POLQ: variants seen among roughly 807,000 people sequenced by gnomAD.
POLQ encodes DNA polymerase theta, also known as epididymis secretory sperm binding protein.
A neutral mutation model predicts 259.2 loss-of-function variants in POLQ; 233 were observed. That is an observed-to-expected ratio of 0.90 (90% CI 0.81 to 1.00). The LOEUF (loss-of-function observed/expected upper bound fraction) is 1.00, where lower values mean the gene tolerates loss of function less well. Ranked by LOEUF, POLQ falls within the 50% of genes least tolerant of loss-of-function variation. The probability of loss-of-function intolerance (pLI) is 0.00; values close to 1 mark genes in which losing one functional copy is unlikely to be tolerated. For synonymous variants in POLQ, 1,025 were observed against 1,048.8 expected (o/e 0.98, Z 0.44); for missense variants, 2,871 against 3,051.6 (o/e 0.94, Z 1.39).
chr3:121,466,379 A>ACAAG (rs1463321924), intron 24 of POLQ, among the ~76,000 whole-genome samples: 33 of 145,796 alleles, frequency 2.3e-4, no homozygotes, highest in Non-Finnish European at 3.6e-4. Flanking sequence ...AAAAAAAAAA[A>ACAAG]AAAGAAAGAA....
At chr3:121,465,094 T>C (rs971924182) in intron 24 of POLQ, among the ~76,000 whole-genome samples, 1 of 148,710 alleles carries the variant, frequency 6.7e-6, no homozygotes, top group Non-Finnish European at 1.5e-5. Flanking sequence ...TTTTTTCTTT[T>C]TTTTTTTTTT....
chr3:121,489,761 A>C lies in POLQ; in HGVS notation c.3170T>G (p.Leu1057Arg). The change falls in exon 16 of 30, where the codon CTG (leucine) becomes CGG (arginine). Residue 1057 changes from leucine (L) to arginine (R), a missense_variant. Physicochemically the swap from Leu to Arg is moderately radical, Grantham distance 102. Coordinates refer to ENST00000264233, the MANE Select transcript of POLQ (RefSeq NM_199420.4). ...GATTCTACACGCTCCAGAGTCTTTC[A>C]GGGGGCTGCTGTCCCTAGATCGCTT... is the stretch of plus-strand genomic sequence containing the variant. ...HLKRSRDSSP[L>R]KDSGACRIHL... 1 of 1,612,106 alleles carries C rather than the reference A, an allele frequency of 6.2e-7. No individual in the cohort carries two copies. Among genetic ancestry groups the C allele is most frequent in the Non-Finnish European group, 8.5e-7 (1 of 1,179,702 alleles).
Position 121,460,103 on chromosome 3 carries a change from T to A in POLQ, c.7099A>T (p.Lys2367Ter), listed in dbSNP as rs1413172230. Reference protein sequence around the residue: ...DVFRSIAAEWKMIEPESVGDD... With the variant: ...DVFRSIAAEW ...CCAACAGACTCTGGCTCAATCATCT[T>A]CCACTCTGCTGCAATGCTCCTGAAA... Residue 2367 changes from lysine to a stop codon, truncating the protein, a stop_gained, in exon 25 of 30, where the codon AAG becomes TAG. Transcript: ENST00000264233. LOFTEE classifies it high-confidence loss of function. The A allele has an allele frequency of 5.0e-6, 8 of 1,614,014 alleles. No individual in the cohort carries two copies. Among genetic ancestry groups the A allele is most frequent in the Non-Finnish European group, 6.8e-6 (8 of 1,179,988 alleles).
At chr3:121,543,756 C>T (rs533658682) in intron 2 of POLQ, among the ~76,000 whole-genome samples, 13 of 151,650 alleles carry the variant, frequency 8.6e-5, no homozygotes, top group Admixed American at 3.9e-4. Context: ...GGCTGAGGTG[C>T]GTGGATCACC....
chr3:121,545,534 A>G (rs1006419380), intron 1 of POLQ, among the ~76,000 whole-genome samples, 181 bp downstream of exon 1: 2 of 152,212 alleles, frequency 1.3e-5, no homozygotes, highest in South Asian at 4.1e-4. Flanking sequence ...GCGATCACTG[A>G]AAACACGCGT....
In POLQ at chr3:121,477,552, G is replaced by T. The variant is rs149721989; in HGVS notation, c.6212-819C>A. Among the ~76,000 whole-genome samples the T allele has an allele frequency of 4.8e-3, 731 of 152,232 alleles. 8 individuals carry two copies. Among genetic ancestry groups the T allele is most frequent in the African/African-American group, 0.017 (687 of 41,534 alleles). On this transcript the variant is annotated intron_variant, in intron 19 of 29. Coordinates refer to ENST00000264233, the MANE Select transcript of POLQ (RefSeq NM_199420.4). ...ACTTATATATTAAAGGCCCTGAGAG[G>T]ACCTGAAGCAAAGACAACTATTTAA...
chr3:121,464,128 T>C (rs2047816090), intron 24 of POLQ, among the ~76,000 whole-genome samples: 1 of 152,234 alleles, frequency 6.6e-6, no homozygotes, highest in Non-Finnish European at 1.5e-5. Context: ...TTTTGACTGA[T>C]ATCACACAGC....
chr3:121,434,121 T>A (rs1342583077), intron 28 of POLQ, among the ~76,000 whole-genome samples: 1 of 152,250 alleles, frequency 6.6e-6, no homozygotes, highest in Non-Finnish European at 1.5e-5. Context: ...TGCTTTCTGA[T>A]GACCATGCCT....
At chr3:121,459,297 T>C (rs959673889) in intron 25 of POLQ, among the ~76,000 whole-genome samples, 2 of 151,622 alleles carry the variant, frequency 1.3e-5, no homozygotes, top group African/African-American at 2.4e-5. Context: ...CAAAGCACTA[T>C]GGCTTGATGC....
chr3:121,466,727 C>T (rs1411058219), intron 24 of POLQ, among the ~76,000 whole-genome samples: 1 of 151,516 alleles, frequency 6.6e-6, no homozygotes, highest in African/African-American at 2.4e-5. Context: ...ACCACATAGA[C>T]TTTCTGGGGA....
chr3:121,457,245 A>G (rs976626625), intron 25 of POLQ, among the ~76,000 whole-genome samples: 3 of 152,264 alleles, frequency 2.0e-5, no homozygotes, highest in African/African-American at 7.2e-5. Context: ...AAGATGGATT[A>G]AAGACTTACT....
In POLQ at chr3:121,510,178, C is replaced by CA. The variant is rs2048242896; in HGVS notation, c.1676dup (p.Leu559PhefsTer25). 6.2e-7 allele frequency: 1 copy of CA among 1,613,750 alleles called. No homozygotes were observed. Among genetic ancestry groups the CA allele is most frequent in the Admixed American group, 1.7e-5 (1 of 59,998 alleles). On this transcript the variant is annotated frameshift_variant, in exon 11 of 30. Coordinates refer to ENST00000264233, the MANE Select transcript of POLQ (RefSeq NM_199420.4). LOFTEE classifies it high-confidence loss of function. ...GCTTCCCTTCTTTCATACTTGCAGCCAAAAATGTGCAGGCAGCATAAGTAT... is the reference window on the plus strand; with the variant it reads ...GCTTCCCTTCTTTCATACTTGCAGCCAAAAAATGTGCAGGCAGCATAAGTAT...
At chr3:121,536,962 CA>C (rs1172021913) in intron 5 of POLQ, 137 bp downstream of exon 5, 27 of 598,946 alleles carry the variant, frequency 4.5e-5, no homozygotes, top group Non-Finnish European at 7.5e-5. Context: ...GGAACAAAAA[CA>C]AACTACTATA....
intron 24 of POLQ, among the ~76,000 whole-genome samples, chr3:121,463,976 T>C (rs1224507168): frequency 6.6e-6 from 1 of 152,232 alleles, no homozygotes; most frequent in Non-Finnish European, 1.5e-5. Flanking sequence ...AACAATCTTG[T>C]ATACTCTGTC....
intron 25 of POLQ, among the ~76,000 whole-genome samples, chr3:121,454,090 GA>G (rs1366016771): frequency 6.6e-6 from 1 of 152,162 alleles, no homozygotes; most frequent in Non-Finnish European, 1.5e-5. Context: ...CATTCTTAAA[GA>G]AATGAATTTT....
At chr3:121,508,219 C>T (rs2048225873) in intron 12 of POLQ, among the ~76,000 whole-genome samples, 3 of 152,048 alleles carry the variant, frequency 2.0e-5, no homozygotes, top group Admixed American at 1.3e-4. Flanking sequence ...GACCACTAAC[C>T]ACAAGCATTC....
At position 121,473,627 on chromosome 3, in the gene POLQ, T is replaced by C. The variant is rs112320478; in HGVS notation, c.6406-140A>G. 719 of 783,446 alleles carry C rather than the reference T, an allele frequency of 9.2e-4. 7 individuals carry two copies. In the African/African-American group the frequency reaches 0.011, roughly 13 times the overall value. 48.5% of individuals were successfully genotyped at this position (783,446 alleles called of 1,614,324 possible). On this transcript the variant is annotated intron_variant, in intron 20 of 29. Coordinates refer to ENST00000264233, the MANE Select transcript of POLQ (RefSeq NM_199420.4). ...AATGTTTCTGTGGATAATTTGGAAT[T>C]ACCATATTTAATAAATGATGGCAAT...
chr3:121,456,463 T>G (rs1230388802), intron 25 of POLQ, among the ~76,000 whole-genome samples: 1 of 152,216 alleles, frequency 6.6e-6, no homozygotes, highest in Non-Finnish European at 1.5e-5. Context: ...GCAGATGACA[T>G]GACTGTATAT....
At chr3:121,494,034 CCT>C (rs139763995) in intron 14 of POLQ, 12,653 of 487,250 alleles carry the variant, frequency 0.026, 89 homozygotes, top group African/African-American at 0.065. Context: ...CTAATTCATT[CCT>C]CTCTCTCTCT....
Sources: allele counts gnomAD v4.1 joint callset (sites outside exome capture counted in the v4.1 genomes callset), GRCh38; gene constraint gnomAD v4.1.1; transcripts MANE v1.5; gene names NCBI Gene and HGNC (gene_info 2026-07-23, HGNC 2026-07-21).